The following ANAPC1 variants were observed in gnomAD, a reference collection of about 807,000 sequenced individuals.
The protein encoded by ANAPC1 is anaphase-promoting complex subunit 1.
Under a neutral mutation model 208.0 loss-of-function variants are expected in ANAPC1, and 36 were observed. That is an observed-to-expected ratio of 0.17 (90% CI 0.13 to 0.23). ANAPC1 has a LOEUF of 0.23. Ranked by LOEUF, ANAPC1 falls within the 10% of genes least tolerant of loss-of-function variation. ANAPC1 has a pLI of 1.00. For synonymous variants in ANAPC1, 378 were observed against 695.2 expected (o/e 0.54, Z 7.18); for missense variants, 942 against 2,011.6 (o/e 0.47, Z 10.17).
chr2:111,879,091 T>C (rs1573526808), intron 2 of ANAPC1, 120 bp from the exon 3 acceptor site: 1 of 840,770 alleles, frequency 1.2e-6, no homozygotes, highest in Non-Finnish European at 1.9e-6. Flanking sequence ...CCTACAAAGT[T>C]TGGTACACTG....
intron 29 of ANAPC1, among the ~76,000 whole-genome samples, chr2:111,807,798 C>T (rs1157095116): frequency 6.6e-5 from 10 of 150,788 alleles, no homozygotes; most frequent in Non-Finnish European, 1.0e-4. Context: ...AGAGGTATGC[C>T]GCAGCTGTGA....
intron 3 of ANAPC1, among the ~76,000 whole-genome samples, chr2:111,874,523 T>C (rs909529654): frequency 1.1e-4 from 13 of 122,144 alleles, no homozygotes; most frequent in Non-Finnish European, 1.6e-4. Context: ...AAACTGTACA[T>C]TTGTCCTTTT....
intron 6 of ANAPC1, among the ~76,000 whole-genome samples, chr2:111,868,688 G>A (rs1463811054): frequency 1.4e-4 from 21 of 151,918 alleles, no homozygotes; most frequent in South Asian, 4.2e-4. Flanking sequence ...ACGCCACCAC[G>A]CCCAGCTAGT....
At chr2:111,789,636 T>C (rs1026604782) in intron 38 of ANAPC1, among the ~76,000 whole-genome samples, 1 of 148,264 alleles carries the variant, frequency 6.7e-6, no homozygotes, top group Non-Finnish European at 1.5e-5. Flanking sequence ...TGTACCCTTT[T>C]GATAAACCAA....
In ANAPC1 at chr2:111,884,089, T is replaced by C. The variant is rs3814026; in HGVS notation, c.-172A>G. 0.58 allele frequency: 88,009 copies of C among 152,220 alleles called. 26,175 individuals are homozygous for C. Among genetic ancestry groups the C allele is most frequent in the African/African-American group, 0.72 (30,021 of 41,526 alleles). 9.4% of individuals were successfully genotyped at this position (152,220 alleles called of 1,614,324 possible). ...CTCATTCCCTCTCCCTCCCCTATTC[T>C]GGAGGAAGAACGGGCAACAGCAGCG... On this transcript the variant is annotated 5_prime_UTR_variant, in exon 1 of 48. Coordinates refer to ENST00000341068, the MANE Select transcript of ANAPC1 (RefSeq NM_022662.4).
chr2:111,861,521 C>T (rs1321615673), intron 10 of ANAPC1, among the ~76,000 whole-genome samples: 1 of 150,428 alleles, frequency 6.6e-6, no homozygotes. Context: ...CCCTGCCTAG[C>T]GAATACCTAT....
chr2:111,852,344 A>T (rs2104525677), intron 13 of ANAPC1, among the ~76,000 whole-genome samples: 1 of 151,494 alleles, frequency 6.6e-6, no homozygotes, highest in East Asian at 1.9e-4. Flanking sequence ...TGCCTATAAC[A>T]CAGACATGCC....
intron 18 of ANAPC1, among the ~76,000 whole-genome samples, chr2:111,837,226 A>G (rs958205018): frequency 6.6e-6 from 1 of 152,238 alleles, no homozygotes; most frequent in Non-Finnish European, 1.5e-5. Flanking sequence ...ATTACATACT[A>G]TATTATTTTA....
chr2:111,838,733 T>G (rs915275518), intron 17 of ANAPC1, among the ~76,000 whole-genome samples: 1 of 152,234 alleles, frequency 6.6e-6, no homozygotes, highest in African/African-American at 2.4e-5. Flanking sequence ...TCTAGAACAG[T>G]GCCTGGGCTT....
At chr2:111,873,436 A>T in intron 4 of ANAPC1, 28 bp from the exon 5 acceptor site, 1 of 1,598,802 alleles carries the variant, frequency 6.3e-7, no homozygotes, top group Non-Finnish European at 8.5e-7. Flanking sequence ...AACAAGACTT[A>T]TGTGTTTTTT....
At chr2:111,824,207 T>C (rs867918706) in intron 24 of ANAPC1, among the ~76,000 whole-genome samples, 14 of 141,284 alleles carry the variant, frequency 9.9e-5, no homozygotes, top group Admixed American at 2.2e-4. Flanking sequence ...ATGTATACTA[T>C]GCAACAGTTA....
chr2:111,828,372 G>C (rs968708544), intron 21 of ANAPC1, among the ~76,000 whole-genome samples: 6 of 152,186 alleles, frequency 3.9e-5, no homozygotes, highest in African/African-American at 1.4e-4. Flanking sequence ...ATGAAAATGA[G>C]TTTAGCAGTT....
chr2:111,850,050 C>A (rs1201711597), intron 14 of ANAPC1, among the ~76,000 whole-genome samples: 1 of 152,110 alleles, frequency 6.6e-6, no homozygotes, highest in Non-Finnish European at 1.5e-5. Context: ...CTCAATAAAG[C>A]TATTCTAAGG....
In ANAPC1 at chr2:111,792,347, T is replaced by C. The variant is rs763145132; in HGVS notation, c.4712+15A>G. 5.4e-6 allele frequency: 8 copies of C among 1,485,314 alleles called. No homozygotes were observed. The highest frequency in any genetic ancestry group is 2.3e-5 in the East Asian group (1 of 43,944). The allele number at this position is 1,485,314 out of a possible 1,614,324, so 92.0% of individuals were successfully genotyped here. A position where few individuals can be genotyped will look rare whatever the true frequency, so the allele number is the denominator to read the frequency against. On this transcript the variant is annotated intron_variant, in intron 38 of 47. Coordinates refer to ENST00000341068, the MANE Select transcript of ANAPC1 (RefSeq NM_022662.4). ...CAATGAGATCTTTTCATTGGAAAAATACATATTCACTTACCTTCCTCCTCC... is the reference window on the plus strand; with the variant it reads ...CAATGAGATCTTTTCATTGGAAAAACACATATTCACTTACCTTCCTCCTCC...
intron 13 of ANAPC1, 121 bp downstream of exon 13, chr2:111,856,493 T>C: frequency 1.0e-6 from 1 of 989,562 alleles, no homozygotes; most frequent in East Asian, 2.6e-5. Context: ...AAAATTCTTC[T>C]GCCAAATTGT....
chr2:111,844,151 A>T (rs1680924370), intron 16 of ANAPC1, among the ~76,000 whole-genome samples: 1 of 152,034 alleles, frequency 6.6e-6, no homozygotes, highest in Admixed American at 6.6e-5. Flanking sequence ...TTAATTTTGC[A>T]TCAGAAATAA....
At chr2:111,864,712 C>G (rs1020830431) in intron 8 of ANAPC1, 94 bp downstream of exon 8, 1 of 1,586,234 alleles carries the variant, frequency 6.3e-7, no homozygotes, top group Admixed American at 1.7e-5. Flanking sequence ...ATCCGCCTGC[C>G]TTGGCCTCCC....
Position 111,788,309 on chromosome 2 carries a change from C to T in ANAPC1, c.4724G>A (p.Ser1575Asn), listed in dbSNP as rs1320283843. The change falls in exon 39 of 48, where the codon AGC becomes AAC. Residue 1575 changes from serine to asparagine, a missense_variant. Coordinates refer to ENST00000341068, the MANE Select transcript of ANAPC1 (RefSeq NM_022662.4). ...AGCGGCAATGGAAGAATTTGATGTGCTCAAAGAGTACCTGCAAAGTAAGTT... is the reference window on the plus strand; with the variant it reads ...AGCGGCAATGGAAGAATTTGATGTGTTCAAAGAGTACCTGCAAAGTAAGTT... ...LFLGGGRYSL[S>N]TSNSSIAALL... The T allele has an allele frequency of 6.2e-7, 1 of 1,613,742 alleles. No individual in the cohort carries two copies. Among genetic ancestry groups the T allele is most frequent in the Non-Finnish European group, 8.5e-7 (1 of 1,179,710 alleles).
chr2:111,860,277 T>C (rs1478188807), intron 10 of ANAPC1, among the ~76,000 whole-genome samples: 1 of 151,570 alleles, frequency 6.6e-6, no homozygotes, highest in Non-Finnish European at 1.5e-5. Flanking sequence ...TACTCCAACC[T>C]GGGTGACAGA....
Sources: gnomAD v4.1 joint callset for allele counts (sites outside exome capture counted in the v4.1 genomes callset) on GRCh38, gnomAD v4.1.1 for gene constraint, MANE v1.5 for transcripts, NCBI Gene and HGNC (gene_info 2026-07-23, HGNC 2026-07-21) for gene names.